BRINP3: variants seen among roughly 807,000 people sequenced by gnomAD.
BRINP3 encodes BMP/retinoic acid inducible neural specific 3.
BRINP3 carries 19 observed loss-of-function variants against 71.0 expected under a neutral mutation model. The ratio of observed to expected loss-of-function variants is 0.27; its 90% CI spans 0.19 to 0.39. The LOEUF (loss-of-function observed/expected upper bound fraction) is 0.39, where lower values mean the gene tolerates loss of function less well. Among genes scored for constraint, BRINP3 ranks in the 10% least tolerant of loss-of-function variants. The pLI is 1.00. For missense variants in BRINP3, 959 were observed against 940.8 expected, an observed-to-expected ratio of 1.02 and a Z score of -0.25; for synonymous variants, 380 against 337.7, an observed-to-expected ratio of 1.13 and a Z score of -1.37.
At chr1:190,317,930 T>G (rs1665993902) in intron 2 of BRINP3, among the ~76,000 whole-genome samples, 1 of 152,144 alleles carries the variant, frequency 6.6e-6, no homozygotes, top group South Asian at 2.1e-4. Context: ...TTGATTTTCC[T>G]CTTTGACTAA....
At chr1:190,099,847 G>T (rs554115018) in intron 7 of BRINP3, among the ~76,000 whole-genome samples, 20 of 152,286 alleles carry the variant, frequency 1.3e-4, no homozygotes, top group African/African-American at 4.8e-4. Flanking sequence ...TAATGTGTTT[G>T]ATTTGAGTCA....
chr1:190,325,913 T>C (rs1430934365), intron 2 of BRINP3, among the ~76,000 whole-genome samples: 2 of 152,128 alleles, frequency 1.3e-5, no homozygotes, highest in African/African-American at 4.8e-5. Flanking sequence ...ATAACTGTTT[T>C]ATAAAATTCA....
chr1:190,279,435 A>G (rs1662872851), intron 3 of BRINP3, among the ~76,000 whole-genome samples: 1 of 151,874 alleles, frequency 6.6e-6, no homozygotes, highest in South Asian at 2.1e-4. Context: ...CTGTTAAATA[A>G]TTAAAATGCA....
intron 2 of BRINP3, among the ~76,000 whole-genome samples, chr1:190,414,764 A>G (rs1016814052): frequency 6.6e-6 from 1 of 152,170 alleles, no homozygotes; most frequent in African/African-American, 2.4e-5. Flanking sequence ...GCAGAGGGAG[A>G]TTAATACTGG....
At chr1:190,188,489 C>T (rs1184357577) in intron 6 of BRINP3, among the ~76,000 whole-genome samples, 1 of 152,102 alleles carries the variant, frequency 6.6e-6, no homozygotes, top group Non-Finnish European at 1.5e-5. Flanking sequence ...ACAAGGCTAG[C>T]TGTGGGATTG....
At chr1:190,154,191 T>A (rs1039447041) in intron 7 of BRINP3, 3 of 331,856 alleles carry the variant, frequency 9.0e-6, no homozygotes, top group Non-Finnish European at 1.3e-5. Flanking sequence ...TTCCTCCCAT[T>A]TATATACATG....
intron 2 of BRINP3, among the ~76,000 whole-genome samples, chr1:190,331,499 A>T (rs965502670): frequency 3.9e-4 from 60 of 152,136 alleles, no homozygotes; most frequent in Non-Finnish European, 6.3e-4. Flanking sequence ...AAATGCTTTT[A>T]AAAAGTTGTT....
rs1670869567 is a variant in BRINP3, at chr1:190,385,982, C to CA, written c.236+68672dup. Among the ~76,000 whole-genome samples the CA allele has an allele frequency of 2.1e-5, 3 of 145,450 alleles. No homozygotes were observed. The South Asian group carries it at 6.6e-4, about 32-fold the overall frequency. On this transcript the variant is annotated intron_variant, in intron 2 of 7. Transcript: ENST00000367462. ...CATTCTCAGTAAACTATCGCAAGAA[C>CA]AAAAAACCAAACACCGCATATTCTC...
chr1:190,350,132 T>C (rs1668282079), intron 2 of BRINP3, among the ~76,000 whole-genome samples: 1 of 152,076 alleles, frequency 6.6e-6, no homozygotes, highest in Non-Finnish European at 1.5e-5. Context: ...GTCAAAAGGA[T>C]TGTGTTCATT....
intron 4 of BRINP3, among the ~76,000 whole-genome samples, chr1:190,260,206 T>C (rs771937062): frequency 3.9e-5 from 6 of 151,932 alleles, no homozygotes; most frequent in Non-Finnish European, 8.8e-5. Context: ...ATAAGATGAA[T>C]AAATGTAGAG....
chr1:190,366,049 C>A (rs1378851699), intron 2 of BRINP3, among the ~76,000 whole-genome samples: 1 of 151,868 alleles, frequency 6.6e-6, no homozygotes, highest in East Asian at 1.9e-4. Context: ...AAAATAGCTT[C>A]TCCTTAGAAA....
chr1:190,343,470 A>G (rs1327700954), intron 2 of BRINP3, among the ~76,000 whole-genome samples: 1 of 151,782 alleles, frequency 6.6e-6, no homozygotes, highest in African/African-American at 2.4e-5. Context: ...AACTCAGCTT[A>G]CTTAACTGTA....
intron 2 of BRINP3, among the ~76,000 whole-genome samples, chr1:190,358,317 A>T (rs1002891366): frequency 2.6e-5 from 4 of 152,322 alleles, no homozygotes; most frequent in East Asian, 1.9e-4. Context: ...TTTACAAGAA[A>T]AAAAGCAAAC....
intron 2 of BRINP3, among the ~76,000 whole-genome samples, chr1:190,378,047 G>C (rs569712774): frequency 2.0e-5 from 3 of 152,024 alleles, no homozygotes; most frequent in Non-Finnish European, 4.4e-5. Context: ...TGGAATCTCA[G>C]GGGACGGAAT....
intron 3 of BRINP3, among the ~76,000 whole-genome samples, chr1:190,265,293 A>G (rs1364413350): frequency 6.6e-6 from 1 of 152,038 alleles, no homozygotes; most frequent in Non-Finnish European, 1.5e-5. Flanking sequence ...GCTTTTGCAG[A>G]ACAGTTTCTC....
chr1:190,403,651 G>A (rs1672082428), intron 2 of BRINP3, among the ~76,000 whole-genome samples: 1 of 152,214 alleles, frequency 6.6e-6, no homozygotes, highest in African/African-American at 2.4e-5. Context: ...GTATTAGAAT[G>A]TGAATAGGAA....
chr1:190,346,209 C>G (rs1340809259), intron 2 of BRINP3, among the ~76,000 whole-genome samples: 1 of 151,884 alleles, frequency 6.6e-6, no homozygotes, highest in African/African-American at 2.4e-5. Context: ...TACCAAAAAA[C>G]TGCAAAAGCC....
At chr1:190,462,877 C>T (rs1005973020) in intron 1 of BRINP3, among the ~76,000 whole-genome samples, 1 of 152,014 alleles carries the variant, frequency 6.6e-6, no homozygotes, top group Non-Finnish European at 1.5e-5. Context: ...ATACTATTAT[C>T]TCAAGCTATT....
chr1:190,444,801 C>T (rs544477870), intron 2 of BRINP3, among the ~76,000 whole-genome samples: 8 of 152,234 alleles, frequency 5.3e-5, no homozygotes, highest in Admixed American at 5.2e-4. Flanking sequence ...CCCCAAGGTG[C>T]TGGGATTACA....
Sources: allele counts gnomAD v4.1 joint callset (sites outside exome capture counted in the v4.1 genomes callset), GRCh38; gene constraint gnomAD v4.1.1; transcripts MANE v1.5; gene names NCBI Gene and HGNC (gene_info 2026-07-23, HGNC 2026-07-21).